SPATA17: variants seen among roughly 807,000 people sequenced by gnomAD.
SPATA17 encodes spermatogenesis associated 17.
Under a neutral mutation model 62.2 loss-of-function variants are expected in SPATA17, and 53 were observed. The observed-to-expected ratio is 0.85, with a 90% CI of 0.68 to 1.07. SPATA17 has a LOEUF of 1.07. Ranked by LOEUF, SPATA17 falls within the 50% of genes least tolerant of loss-of-function variation. The pLI, the probability that SPATA17 is intolerant of heterozygous loss-of-function variation, is 0.00. For synonymous variants in SPATA17, 146 were observed against 146.8 expected, an observed-to-expected ratio of 0.99 and a Z score of 0.04; for missense variants, 466 against 425.5, an observed-to-expected ratio of 1.10 and a Z score of -0.84.
chr1:217,642,114 A>G (rs1571699053), intron 1 of SPATA17, among the ~76,000 whole-genome samples: 1 of 152,146 alleles, frequency 6.6e-6, no homozygotes, highest in Non-Finnish European at 1.5e-5. Context: ...GATCTTCTCA[A>G]TGCATCCTAC....
intron 9 of SPATA17, among the ~76,000 whole-genome samples, chr1:217,813,583 G>A (rs1674645545): frequency 1.3e-5 from 2 of 151,986 alleles, no homozygotes; most frequent in Admixed American, 1.3e-4. Context: ...CAAATAATTA[G>A]GTGTAATTGA....
intron 6 of SPATA17, among the ~76,000 whole-genome samples, chr1:217,752,099 C>T (rs766736031): frequency 6.6e-5 from 10 of 152,150 alleles, no homozygotes; most frequent in African/African-American, 1.4e-4. Flanking sequence ...AGTGCAGTGG[C>T]GTGATCATAG....
intron 5 of SPATA17, among the ~76,000 whole-genome samples, chr1:217,687,868 A>C (rs143729641): frequency 6.6e-6 from 1 of 152,322 alleles, no homozygotes; most frequent in African/African-American, 2.4e-5. Flanking sequence ...TTGAGCAATA[A>C]AAATGTTTAC....
intron 9 of SPATA17, among the ~76,000 whole-genome samples, chr1:217,853,786 C>T (rs1327882664): frequency 3.9e-5 from 6 of 152,150 alleles, no homozygotes; most frequent in African/African-American, 1.4e-4. Flanking sequence ...GACTCATTAG[C>T]ATTGAACTTG....
chr1:217,826,551 A>C (rs1192814296), intron 9 of SPATA17, among the ~76,000 whole-genome samples: 2 of 151,986 alleles, frequency 1.3e-5, no homozygotes, highest in African/African-American at 2.4e-5. Context: ...ATTCTACTTT[A>C]GTGTTTTGGT....
chr1:217,720,640 A>AT (rs1053365768), intron 5 of SPATA17, among the ~76,000 whole-genome samples: 17 of 152,128 alleles, frequency 1.1e-4, no homozygotes, highest in Admixed American at 3.9e-4. Flanking sequence ...ATAAATAAAC[A>AT]TTTTTTTTAA....
At chr1:217,644,500 T>C (rs551637165) in intron 1 of SPATA17, among the ~76,000 whole-genome samples, 57 of 152,236 alleles carry the variant, frequency 3.7e-4, no homozygotes, top group African/African-American at 1.4e-3. Flanking sequence ...TATATGATAA[T>C]GAAAAAGAAA....
chr1:217,661,891 T>C (rs1558556337), intron 3 of SPATA17, among the ~76,000 whole-genome samples: 1 of 152,186 alleles, frequency 6.6e-6, no homozygotes, highest in Non-Finnish European at 1.5e-5. Context: ...GTCCTACTAT[T>C]TGGGGACCCA....
Position 217,705,297 on chromosome 1 carries a change from G to T in SPATA17, c.395+21936G>T, listed in dbSNP as rs146431558. Reference sequence around the variant, plus strand: ...TTGTTTAAGTTCCTTATAAATTCTGGATATTAGAACTTTGTCAGATGCATA... The same window carrying T: ...TTGTTTAAGTTCCTTATAAATTCTGTATATTAGAACTTTGTCAGATGCATA... On this transcript the variant is annotated intron_variant, in intron 5 of 10. Transcript: ENST00000366933. Among the ~76,000 whole-genome samples, 26 of 140,966 alleles carry T rather than the reference G, an allele frequency of 1.8e-4. No individual in the cohort carries two copies. In the East Asian group the frequency reaches 5.0e-3, roughly 27 times the overall value. The allele number at this position is 140,966 out of a possible 152,430, so 92.5% of individuals were successfully genotyped here.
intron 9 of SPATA17, among the ~76,000 whole-genome samples, chr1:217,824,516 G>C (rs1674940395): frequency 6.6e-6 from 1 of 151,180 alleles, no homozygotes; most frequent in South Asian, 2.1e-4. Context: ...TTCTTAATTA[G>C]AGATAGCCAC....
rs1387937424 is a variant in SPATA17 at position 217,735,261 on chromosome 1, G to C, written c.396-6714G>C. ...GAGAAATTTGTTTCTCACAGTTCTG[G>C]AGACTGGAAAATCCAAGACAGGTGC... On this transcript the variant is annotated intron_variant, in intron 5 of 10. Transcript: ENST00000366933. Among the ~76,000 whole-genome samples, 3 of 152,134 alleles carry C rather than the reference G, an allele frequency of 2.0e-5. No homozygotes were observed. The East Asian group carries it at 5.8e-4, about 29-fold the overall frequency.
At position 217,667,086 on chromosome 1, in the gene SPATA17, C is replaced by T. The variant is rs1670713920; in HGVS notation, c.241-1947C>T. On this transcript the variant is annotated intron_variant, in intron 3 of 10. Transcript: ENST00000366933. Reference sequence around the variant, plus strand: ...TTTTTGTGACGGAGTCTCACTCTGTCACCTGGGCTGGAATGCAGTGGCTTG... The same window carrying T: ...TTTTTGTGACGGAGTCTCACTCTGTTACCTGGGCTGGAATGCAGTGGCTTG... Among the ~76,000 whole-genome samples the T allele has an allele frequency of 3.2e-5, 4 of 124,610 alleles. No homozygotes were observed. In the South Asian group the frequency reaches 1.0e-3, roughly 32 times the overall value. The allele number at this position is 124,610 out of a possible 152,430, so 81.7% of individuals were successfully genotyped here. A position where few individuals can be genotyped will look rare whatever the true frequency, so the allele number is the denominator to read the frequency against.
Position 217,657,145 on chromosome 1 carries a change from T to C in SPATA17, c.240+5967T>C, listed in dbSNP as rs79170140. Among the ~76,000 whole-genome samples the C allele has an allele frequency of 2.8e-3, 419 of 152,250 alleles. 19 individuals carry two copies. The East Asian group carries it at 0.073, about 26-fold the overall frequency. ...GAGCCACATTAAGGGAATGGGAATT[T>C]TTACCAGAGCTGATATCCTTAGCAC... On this transcript the variant is annotated intron_variant, in intron 3 of 10. Coordinates refer to ENST00000366933, the MANE Select transcript of SPATA17 (RefSeq NM_138796.4).
chr1:217,638,554 G>C (rs1330695063), intron 1 of SPATA17, among the ~76,000 whole-genome samples: 2 of 152,100 alleles, frequency 1.3e-5, no homozygotes, highest in Non-Finnish European at 2.9e-5. Context: ...GTTTATCACT[G>C]CCCAAGTAAC....
intron 9 of SPATA17, among the ~76,000 whole-genome samples, chr1:217,814,494 T>A (rs547234050): frequency 2.8e-4 from 43 of 152,290 alleles, no homozygotes; most frequent in African/African-American, 1.0e-3. Flanking sequence ...GAAATTTTCT[T>A]TCTGGAAGTT....
intron 6 of SPATA17, among the ~76,000 whole-genome samples, chr1:217,748,861 T>A (rs1222252092): frequency 6.6e-6 from 1 of 152,212 alleles, no homozygotes; most frequent in Admixed American, 6.5e-5. Flanking sequence ...TACGTGATTA[T>A]TCACTTTTAT....
intron 5 of SPATA17, among the ~76,000 whole-genome samples, chr1:217,711,621 GA>G (rs1284439906): frequency 6.6e-6 from 1 of 152,160 alleles, no homozygotes; most frequent in Non-Finnish European, 1.5e-5. Context: ...TGCAGTATAT[GA>G]AACACTGAGC....
intron 5 of SPATA17, among the ~76,000 whole-genome samples, chr1:217,700,076 A>T (rs139779434): frequency 5.9e-4 from 89 of 151,768 alleles, no homozygotes; most frequent in South Asian, 2.7e-3. Context: ...TATATAATAA[A>T]CCTTAACGTT....
At chr1:217,720,591 G>A (rs1672102213) in intron 5 of SPATA17, among the ~76,000 whole-genome samples, 1 of 152,094 alleles carries the variant, frequency 6.6e-6, no homozygotes, top group Non-Finnish European at 1.5e-5. Flanking sequence ...AGGATCATTT[G>A]AGTCTTACCT....
Sources: allele counts gnomAD v4.1 joint callset (sites outside exome capture counted in the v4.1 genomes callset), GRCh38; gene constraint gnomAD v4.1.1; transcripts MANE v1.5; gene names NCBI Gene and HGNC (gene_info 2026-07-23, HGNC 2026-07-21).